Variants in LRP2 observed in about 807,000 individuals in gnomAD.
LRP2 encodes low-density lipoprotein receptor-related protein 2.
LRP2 carries 172 observed loss-of-function variants against 531.0 expected under a neutral mutation model. The observed-to-expected ratio is 0.32, with a 90% CI of 0.29 to 0.37. The LOEUF (loss-of-function observed/expected upper bound fraction) is 0.37, where lower values mean the gene tolerates loss of function less well. LRP2 is among the 10% of genes least tolerant of loss of function. The probability of loss-of-function intolerance (pLI) is 1.00; values close to 1 mark genes in which losing one functional copy is unlikely to be tolerated. For synonymous variants in LRP2, 1,992 were observed against 2,027.6 expected (o/e 0.98, Z 0.47); for missense variants, 5,167 against 5,868.3 (o/e 0.88, Z 3.90).
At chr2:169,300,369 A>T (rs1684257594) in intron 4 of LRP2, among the ~76,000 whole-genome samples, 1 of 152,064 alleles carries the variant, frequency 6.6e-6, no homozygotes, top group African/African-American at 2.4e-5. Flanking sequence ...AATGGCAGTC[A>T]TTGGTAGCAT....
At chr2:169,195,532 G>A (rs983901624) in intron 46 of LRP2, among the ~76,000 whole-genome samples, 2 of 151,756 alleles carry the variant, frequency 1.3e-5, no homozygotes, top group Non-Finnish European at 2.9e-5. Context: ...ACTACAATGA[G>A]GATATATTCA....
At chr2:169,215,544 G>A (rs1688749571) in intron 35 of LRP2, among the ~76,000 whole-genome samples, 1 of 151,920 alleles carries the variant, frequency 6.6e-6, no homozygotes, top group South Asian at 2.1e-4. Context: ...AGAAGAATGT[G>A]TAGCTACGAG....
chr2:169,167,654 G>A (rs564081528), intron 61 of LRP2, among the ~76,000 whole-genome samples: 4 of 151,888 alleles, frequency 2.6e-5, no homozygotes, highest in Admixed American at 2.0e-4. Flanking sequence ...TTTGGATAGG[G>A]TGCATCCCAT....
At chr2:169,278,199 A>G (rs139704319) in intron 12 of LRP2, among the ~76,000 whole-genome samples, 1 of 152,254 alleles carries the variant, frequency 6.6e-6, no homozygotes, top group African/African-American at 2.4e-5. Context: ...GTTCATATTC[A>G]GCCAGCCAGG....
At chr2:169,221,525 G>A (rs1242086836) in intron 33 of LRP2, among the ~76,000 whole-genome samples, 1 of 152,160 alleles carries the variant, frequency 6.6e-6, no homozygotes, top group African/African-American at 2.4e-5. Flanking sequence ...ATTTTAATAC[G>A]TACCTAAGAC....
In LRP2 at chr2:169,196,893, G is replaced by A. The variant is rs754426606; in HGVS notation, c.8698+18C>T. The A allele has an allele frequency of 6.2e-7, 1 of 1,613,954 alleles. No individual in the cohort carries two copies. On this transcript the variant is annotated intron_variant, in intron 46 of 78. Transcript: ENST00000649046. ...CTAGCTGCATCGTGATGTTTTTCAT[G>A]CTTGCTTACTCTCTTACCACAAGAG...
intron 48 of LRP2, among the ~76,000 whole-genome samples, chr2:169,189,693 C>A (rs558863016): frequency 1.9e-4 from 29 of 152,284 alleles, no homozygotes; most frequent in African/African-American, 6.7e-4. Flanking sequence ...ACACTTTCTG[C>A]CAAGCAAGCA....
intron 1 of LRP2, among the ~76,000 whole-genome samples, chr2:169,344,226 C>T (rs909192770): frequency 4.6e-5 from 7 of 152,066 alleles, no homozygotes; most frequent in South Asian, 2.1e-4. Flanking sequence ...CCCATCAACC[C>T]GTCATCTACA....
Position 169,129,026 on chromosome 2 carries a change from G to A in LRP2, c.13787C>T (p.Pro4596Leu). ...KSKQTTNFEN[P>L]IYAQMENEQK... is the part of the protein sequence containing the mutation. Reference sequence around the variant, plus strand: ...GTTAAAAATTACCTGTGCATAGATTGGATTTTCAAAGTTGGTAGTTTGTTT... The same window carrying A: ...GTTAAAAATTACCTGTGCATAGATTAGATTTTCAAAGTTGGTAGTTTGTTT... Residue 4596 changes from proline (P) to leucine (L), a missense_variant, in exon 78 of 79, where the codon CCA (proline) becomes CTA (leucine). Transcript: ENST00000649046. The A allele has an allele frequency of 2.5e-6, 4 of 1,610,562 alleles. No individual in the cohort carries two copies. Among genetic ancestry groups the A allele is most frequent in the South Asian group, 1.1e-5 (1 of 91,004 alleles).
At position 169,192,713 on chromosome 2, in the gene LRP2, T is replaced by A. The variant is rs565820577; in HGVS notation, c.8831-680A>T. Among the ~76,000 whole-genome samples the A allele has an allele frequency of 5.3e-5, 8 of 152,282 alleles. No homozygotes were observed. In the South Asian group the frequency reaches 1.7e-3, roughly 32 times the overall value. On this transcript the variant is annotated intron_variant, in intron 47 of 78. Coordinates refer to ENST00000649046, the MANE Select transcript of LRP2 (RefSeq NM_004525.3). Reference sequence around the variant, plus strand: ...ACAAAATAAAAGAACAGGGGTTTTATCCAGACTCATTGCAGGTGAATAGGA... The same window carrying A: ...ACAAAATAAAAGAACAGGGGTTTTAACCAGACTCATTGCAGGTGAATAGGA...
intron 52 of LRP2, among the ~76,000 whole-genome samples, chr2:169,180,012 T>C (rs1687369740): frequency 6.6e-6 from 1 of 152,268 alleles, no homozygotes; most frequent in Non-Finnish European, 1.5e-5. Context: ...GTAAATAATC[T>C]ATATTAGATT....
chr2:169,188,113 T>C lies in LRP2; in HGVS notation c.9185A>G (p.Asp3062Gly), dbSNP rs1227398600. Reference protein sequence around the residue: ...DEDNDCGDGSDELMHLCHTPE... With the variant: ...DEDNDCGDGSGELMHLCHTPE... ...GGTGTGGCACAGGTGCATCAGCTCA[T>C]CAGATCCGTCTCCACAGTCATTATC... The change falls in exon 49 of 79, where the codon GAT (aspartate) becomes GGT (glycine). Residue 3062 changes from aspartate (D) to glycine (G), a missense_variant. This residue lies in a region of LRP2 where 1,129 missense variants were observed against 1,362.7 expected (regional missense o/e 0.83). Transcript: ENST00000649046. 2 of 1,614,160 alleles carry C rather than the reference T, an allele frequency of 1.2e-6. No individual in the cohort carries two copies. The highest frequency in any genetic ancestry group is 3.3e-4 in the Middle Eastern group (2 of 6,062).
chr2:169,203,245 C>T (rs770841154), intron 42 of LRP2, among the ~76,000 whole-genome samples: 6 of 152,178 alleles, frequency 3.9e-5, no homozygotes, highest in Admixed American at 1.3e-4. Flanking sequence ...CACATCTTCC[C>T]GTGAATTTGT....
chr2:169,279,317 A>G (rs1331186681), intron 12 of LRP2, 55 bp downstream of exon 12: 1 of 1,284,314 alleles, frequency 7.8e-7, no homozygotes, highest in Non-Finnish European at 1.1e-6. Flanking sequence ...CAGTGTATAG[A>G]GGGAGAGAGA....
At chr2:169,356,763 C>T (rs1333492534) in intron 1 of LRP2, among the ~76,000 whole-genome samples, 1 of 152,202 alleles carries the variant, frequency 6.6e-6, no homozygotes, top group Non-Finnish European at 1.5e-5. Flanking sequence ...ACTAGCTGAT[C>T]ATTATCAAGA....
chr2:169,275,357 GAATA>G (rs1258127037), intron 13 of LRP2, 119 bp from the exon 14 acceptor site: 3 of 763,928 alleles, frequency 3.9e-6, no homozygotes, highest in African/African-American at 3.5e-5. Flanking sequence ...CACAAATACG[GAATA>G]GATAGAAAAG....
rs746276028 is a variant in LRP2 at position 169,128,478 on chromosome 2, T to C, written c.*185A>G. 25 of 594,614 alleles carry C rather than the reference T, an allele frequency of 4.2e-5. No individual in the cohort carries two copies. Among genetic ancestry groups the C allele is most frequent in the South Asian group, 1.4e-4 (7 of 50,566 alleles). The allele number at this position is 594,614 out of a possible 1,614,324, so 36.8% of individuals were successfully genotyped here. ...AAGATATACATATAGTACATTGTGA[T>C]AATTATTTGTAAAAATATGAGACGG... On this transcript the variant is annotated 3_prime_UTR_variant, in exon 79 of 79. Coordinates refer to ENST00000649046, the MANE Select transcript of LRP2 (RefSeq NM_004525.3).
intron 21 of LRP2, among the ~76,000 whole-genome samples, chr2:169,245,679 C>T (rs146902167): frequency 2.0e-5 from 3 of 152,026 alleles, no homozygotes; most frequent in African/African-American, 4.8e-5. Flanking sequence ...ACTAGATTAC[C>T]GTCAAAAGAA....
In LRP2 at chr2:169,235,924, G is replaced by A; in HGVS notation, c.4836C>T (p.Leu1612=). 4.3e-6 allele frequency: 7 copies of A among 1,614,162 alleles called. No individual in the cohort carries two copies. The highest frequency in any genetic ancestry group is 5.9e-6 in the Non-Finnish European group (7 of 1,180,018). The change falls in exon 29 of 79, where the codon CTC becomes CTT. Residue 1612 remains leucine, a synonymous_variant. Coordinates refer to ENST00000649046, the MANE Select transcript of LRP2 (RefSeq NM_004525.3). ...GLTIDYPNRL[L]YFMDSYLDYM... is the part of the protein sequence containing the mutation. The stretch of plus-strand genomic sequence containing the variant: ...AATCAAGATAGGAGTCCATGAAGTA[G>A]AGCAGTCTGTTGGGGTAGTCAATAG...
Sources: allele counts gnomAD v4.1 joint callset (sites outside exome capture counted in the v4.1 genomes callset), GRCh38; gene constraint gnomAD v4.1.1; regional missense constraint gnomAD v4.1.1; transcripts MANE v1.5; gene names NCBI Gene and HGNC (gene_info 2026-07-23, HGNC 2026-07-21).